DLG2: variants seen among roughly 807,000 people sequenced by gnomAD.
DLG2 encodes the protein disks large homolog 2.
In DLG2, 45 loss-of-function variants were observed where a neutral mutation model predicts 132.5. The observed-to-expected ratio is 0.34, with a 90% CI of 0.27 to 0.44. The LOEUF is 0.44. Ranked by LOEUF, DLG2 falls within the 20% of genes least tolerant of loss-of-function variation. DLG2 has a pLI of 1.00. For missense variants in DLG2, 1,045 were observed against 1,196.9 expected, an observed-to-expected ratio of 0.87 and a Z score of 1.87; for synonymous variants, 424 against 419.6, an observed-to-expected ratio of 1.01 and a Z score of -0.13.
At chr11:84,344,271 G>A (rs907850328) in intron 7 of DLG2, among the ~76,000 whole-genome samples, 3 of 152,136 alleles carry the variant, frequency 2.0e-5, no homozygotes, top group Non-Finnish European at 4.4e-5. Context: ...ATGACCTTGT[G>A]TGTAAAATGT....
intron 19 of DLG2, among the ~76,000 whole-genome samples, chr11:83,597,646 C>T (rs2057831093): frequency 6.6e-6 from 1 of 151,088 alleles, no homozygotes; most frequent in East Asian, 1.9e-4. Context: ...ATTAGCCAGA[C>T]ATGGTGGTGT....
chr11:84,117,023 T>G (rs536079644), intron 9 of DLG2, among the ~76,000 whole-genome samples: 1 of 152,344 alleles, frequency 6.6e-6, no homozygotes, highest in Admixed American at 6.5e-5. Context: ...ATGGTCCTGA[T>G]AAGCCTTGCA....
At chr11:83,507,733 A>G (rs2094789596) in intron 21 of DLG2, among the ~76,000 whole-genome samples, 1 of 137,650 alleles carries the variant, frequency 7.3e-6, no homozygotes. Context: ...ATTGTTTTTT[A>G]TTTATATTTA....
At chr11:85,536,831 C>T (rs2075618273) in intron 3 of DLG2, among the ~76,000 whole-genome samples, 1 of 152,184 alleles carries the variant, frequency 6.6e-6, no homozygotes, top group African/African-American at 2.4e-5. Context: ...TTCTCGCTTC[C>T]CCTCTTTTCC....
At chr11:85,025,932 ATAAAGT>A (rs2060478383) in intron 6 of DLG2, among the ~76,000 whole-genome samples, 1 of 151,932 alleles carries the variant, frequency 6.6e-6, no homozygotes, top group African/African-American at 2.4e-5. Flanking sequence ...TTGTTAGTAC[ATAAAGT>A]TAGAGACCCT....
At chr11:83,735,542 G>T (rs569419642) in intron 18 of DLG2, among the ~76,000 whole-genome samples, 1 of 152,194 alleles carries the variant, frequency 6.6e-6, no homozygotes, top group East Asian at 1.9e-4. Flanking sequence ...AGATAATTTT[G>T]TTAACTCTTG....
chr11:84,544,407 T>C (rs2099385406), intron 6 of DLG2, among the ~76,000 whole-genome samples: 1 of 152,216 alleles, frequency 6.6e-6, no homozygotes. Context: ...TCTTGAGTAA[T>C]TCTCTCAAGA....
At chr11:83,639,028 C>T (rs2065645890) in intron 18 of DLG2, among the ~76,000 whole-genome samples, 1 of 152,180 alleles carries the variant, frequency 6.6e-6, no homozygotes, top group Non-Finnish European at 1.5e-5. Flanking sequence ...GGCATTGCCT[C>T]CTGTGAGAAG....
At chr11:84,280,315 T>C (rs1341146306) in intron 7 of DLG2, among the ~76,000 whole-genome samples, 1 of 152,006 alleles carries the variant, frequency 6.6e-6, no homozygotes, top group Non-Finnish European at 1.5e-5. Flanking sequence ...GATTTTTTTT[T>C]TTTGAGACGG....
At chr11:84,371,863 T>A (rs189211676) in intron 7 of DLG2, among the ~76,000 whole-genome samples, 1 of 152,322 alleles carries the variant, frequency 6.6e-6, no homozygotes, top group East Asian at 1.9e-4. Flanking sequence ...TCCTCTCAGC[T>A]AGTCTCTAAT....
chr11:85,488,735 C>A (rs534029434), intron 3 of DLG2, among the ~76,000 whole-genome samples: 3 of 152,076 alleles, frequency 2.0e-5, no homozygotes, highest in Non-Finnish European at 4.4e-5. Flanking sequence ...ACTGGAAGCC[C>A]ATAATTCTAT....
intron 4 of DLG2, among the ~76,000 whole-genome samples, chr11:85,194,082 G>A (rs1433068332): frequency 6.6e-6 from 1 of 152,216 alleles, no homozygotes; most frequent in Non-Finnish European, 1.5e-5. Context: ...AACAGCTTAG[G>A]TCATGGGGAT....
At chr11:84,895,240 TAGA>T (rs939658734) in intron 6 of DLG2, among the ~76,000 whole-genome samples, 5 of 151,980 alleles carry the variant, frequency 3.3e-5, no homozygotes, top group African/African-American at 4.8e-5. Context: ...AAAAAATAAA[TAGA>T]AGAAGAAAAG....
chr11:83,558,795 C>T (rs2096562142), intron 19 of DLG2, among the ~76,000 whole-genome samples: 2 of 151,764 alleles, frequency 1.3e-5, no homozygotes, highest in Admixed American at 6.6e-5. Context: ...TTTCCATTTA[C>T]CCAGCATACA....
At chr11:83,686,468 C>T (rs1239290431) in intron 18 of DLG2, among the ~76,000 whole-genome samples, 3 of 152,006 alleles carry the variant, frequency 2.0e-5, no homozygotes, top group South Asian at 2.1e-4. Context: ...CTCCTCTACC[C>T]AACTAGAATG....
Position 85,283,886 on chromosome 11 carries a change from G to GA in DLG2, c.186+1333dup, listed in dbSNP as rs775403392. 8.1e-3 allele frequency among the ~76,000 whole-genome samples: 834 copies of GA among 103,266 alleles called. 6 individuals are homozygous for GA. Among genetic ancestry groups the GA allele is most frequent in the African/African-American group, 0.018 (508 of 28,188 alleles). 67.7% of individuals were successfully genotyped at this position (103,266 alleles called of 152,430 possible). On this transcript the variant is annotated intron_variant, in intron 4 of 27. Transcript: ENST00000376104. ...AAAATCAATCCTAATGAAACAGTTA[G>GA]AAAAAAAAAAAAAAGCAATGGCTTA...
intron 4 of DLG2, among the ~76,000 whole-genome samples, chr11:85,210,218 G>A (rs1565162850): frequency 6.6e-6 from 1 of 152,096 alleles, no homozygotes; most frequent in Non-Finnish European, 1.5e-5. Context: ...ACCTAGAGTA[G>A]TGCTTAGGAT....
chr11:83,753,845 ATATATAT>A (rs1566832038), intron 18 of DLG2, among the ~76,000 whole-genome samples: 285 of 9,904 alleles, frequency 0.029, 29 homozygotes, highest in African/African-American at 0.19. Flanking sequence ...GATATATATC[ATATATAT>A]CATATATATA....
intron 26 of DLG2, among the ~76,000 whole-genome samples, chr11:83,465,234 T>C (rs1223747583): frequency 2.0e-5 from 3 of 152,150 alleles, no homozygotes; most frequent in East Asian, 3.9e-4. Context: ...TATGGGACTA[T>C]ATTCTGCTTT....
Sources: gnomAD v4.1 joint callset for allele counts (sites outside exome capture counted in the v4.1 genomes callset) on GRCh38, gnomAD v4.1.1 for gene constraint, MANE v1.5 for transcripts, NCBI Gene and HGNC (gene_info 2026-07-23, HGNC 2026-07-21) for gene names.